Variants in SDK1 observed in about 807,000 individuals in gnomAD.
SDK1 encodes protein sidekick-1.
In SDK1, 157 loss-of-function variants were observed where a neutral mutation model predicts 245.5. The ratio of observed to expected loss-of-function variants is 0.64; its 90% CI spans 0.56 to 0.73. The LOEUF is 0.73. Among genes scored for constraint, SDK1 ranks in the 30% least tolerant of loss-of-function variants. The probability of loss-of-function intolerance (pLI) is 0.00; values close to 1 mark genes in which losing one functional copy is unlikely to be tolerated. For missense variants in SDK1, 3,583 were observed against 3,002.3 expected (o/e 1.19, Z -4.52); for synonymous variants, 1,647 against 1,278.5 (o/e 1.29, Z -6.15).
intron 1 of SDK1, among the ~76,000 whole-genome samples, chr7:3,574,106 T>C (rs960096341): frequency 2.0e-5 from 3 of 151,822 alleles, no homozygotes; most frequent in Non-Finnish European, 2.9e-5. Flanking sequence ...ACTAGACATA[T>C]ACCTGATTTT....
At chr7:3,635,856 C>A (rs1420154228) in intron 2 of SDK1, among the ~76,000 whole-genome samples, 2 of 152,142 alleles carry the variant, frequency 1.3e-5, no homozygotes, top group African/African-American at 4.8e-5. Context: ...CAGGCTCACA[C>A]CACCACACTT....
At chr7:4,184,431 C>T (rs921549877) in intron 35 of SDK1, among the ~76,000 whole-genome samples, 45 of 149,520 alleles carry the variant, frequency 3.0e-4, no homozygotes, top group Non-Finnish European at 5.7e-4. Flanking sequence ...TCATTGCTGC[C>T]ACTAAGGCAC....
chr7:3,336,164 TC>T (rs1364364415), intron 1 of SDK1, among the ~76,000 whole-genome samples: 1 of 152,184 alleles, frequency 6.6e-6, no homozygotes, highest in Non-Finnish European at 1.5e-5. Flanking sequence ...CTCACTCTGC[TC>T]CAGCTAAACC....
At chr7:3,643,987 T>C (rs2568525) in intron 4 of SDK1, among the ~76,000 whole-genome samples, 145,310 of 150,888 alleles carry the variant, frequency 0.96, 70,003 homozygotes, top group African/African-American at 0.99. Flanking sequence ...ACTGCAACCT[T>C]TCCCTCCCAG....
chr7:4,177,082 G>A (rs1782260917), intron 34 of SDK1, among the ~76,000 whole-genome samples: 1 of 152,366 alleles, frequency 6.6e-6, no homozygotes, highest in Admixed American at 6.5e-5. Context: ...GCATTCTGTA[G>A]GGGTGGGAGT....
In SDK1 at chr7:3,716,464, G is replaced by A. The variant is rs191539739; in HGVS notation, c.713+74359G>A. Reference sequence around the variant, plus strand: ...GGCAAAAATATCATTCAAGTATGAGGGGAGGCCACGTGTTATCACGTGTAA... The same window carrying A: ...GGCAAAAATATCATTCAAGTATGAGAGGAGGCCACGTGTTATCACGTGTAA... On this transcript the variant is annotated intron_variant, in intron 4 of 44. Transcript: ENST00000404826. Among the ~76,000 whole-genome samples the A allele has an allele frequency of 5.3e-5, 8 of 152,256 alleles. No individual in the cohort carries two copies. In the East Asian group the frequency reaches 1.5e-3, roughly 29 times the overall value.
chr7:4,180,371 CAGCGCCT>C (rs2128219614), intron 35 of SDK1, among the ~76,000 whole-genome samples: 1 of 149,572 alleles, frequency 6.7e-6, no homozygotes, highest in African/African-American at 2.5e-5. Context: ...GCTCTATGCC[CAGCGCCT>C]GGCTCCAGCT....
At chr7:4,072,160 T>A (rs1249276325) in intron 20 of SDK1, among the ~76,000 whole-genome samples, 1 of 152,212 alleles carries the variant, frequency 6.6e-6, no homozygotes, top group Non-Finnish European at 1.5e-5. Flanking sequence ...AGCAGCAGTC[T>A]GTTGTTTATG....
At chr7:3,838,188 G>A (rs944865789) in intron 5 of SDK1, among the ~76,000 whole-genome samples, 4 of 152,220 alleles carry the variant, frequency 2.6e-5, no homozygotes, top group African/African-American at 9.6e-5. Context: ...TTGGTACATA[G>A]CCTGCATGGC....
chr7:3,559,324 G>A (rs1779678527), intron 1 of SDK1, among the ~76,000 whole-genome samples: 1 of 152,092 alleles, frequency 6.6e-6, no homozygotes, highest in Non-Finnish European at 1.5e-5. Context: ...TTGTGAAATG[G>A]TAGTTGGAAG....
In SDK1 at chr7:4,127,731, C is replaced by T. The variant is rs189575747; in HGVS notation, c.3939+235C>T. Among the ~76,000 whole-genome samples the T allele has an allele frequency of 2.7e-3, 416 of 152,378 alleles. 2 individuals carry two copies. Among genetic ancestry groups the T allele is most frequent in the African/African-American group, 9.1e-3 (379 of 41,602 alleles). On this transcript the variant is annotated intron_variant, in intron 26 of 44. Transcript: ENST00000404826. ...CCAAAACAGGGCACCAGAAGAAAAG[C>T]ACAGCCGGAGTGGAACTGACCTCCG...
intron 5 of SDK1, among the ~76,000 whole-genome samples, chr7:3,935,523 A>G (rs1022778972): frequency 1.1e-4 from 17 of 152,226 alleles, no homozygotes; most frequent in Non-Finnish European, 1.9e-4. Context: ...AATTCCTACA[A>G]CTCAACAACA....
chr7:3,763,474 C>G (rs944411695), intron 4 of SDK1, among the ~76,000 whole-genome samples: 1 of 152,120 alleles, frequency 6.6e-6, no homozygotes, highest in African/African-American at 2.4e-5. Flanking sequence ...CTTCATGTCC[C>G]TCCATTCTTC....
At chr7:3,800,138 C>A (rs1779069423) in intron 4 of SDK1, among the ~76,000 whole-genome samples, 2 of 152,072 alleles carry the variant, frequency 1.3e-5, no homozygotes, top group South Asian at 4.1e-4. Flanking sequence ...CATTTCATAT[C>A]CTGGCATACT....
chr7:4,208,050 C>A, intron 36 of SDK1, 49 bp from the exon 37 acceptor site: 1 of 1,459,058 alleles, frequency 6.9e-7, no homozygotes, highest in Non-Finnish European at 9.4e-7. Flanking sequence ...CCCCCGCTTA[C>A]TGGAAGGCTT....
At chr7:4,153,280 A>G (rs1271478093) in intron 30 of SDK1, among the ~76,000 whole-genome samples, 1 of 151,712 alleles carries the variant, frequency 6.6e-6, no homozygotes, top group African/African-American at 2.4e-5. Flanking sequence ...TTTTTTAAAA[A>G]TATCATTATT....
intron 38 of SDK1, among the ~76,000 whole-genome samples, chr7:4,211,626 T>G (rs1784516678): frequency 6.6e-6 from 1 of 152,164 alleles, no homozygotes; most frequent in Admixed American, 6.5e-5. Flanking sequence ...TCTGTTTTTT[T>G]TGAGACGGAG....
At chr7:3,932,070 A>T (rs961204856) in intron 5 of SDK1, among the ~76,000 whole-genome samples, 4 of 152,188 alleles carry the variant, frequency 2.6e-5, no homozygotes, top group Non-Finnish European at 5.9e-5. Context: ...CCACGTTTTT[A>T]ATAGGCCCAC....
At chr7:4,085,922 G>T (rs1389544465) in intron 22 of SDK1, among the ~76,000 whole-genome samples, 1 of 152,148 alleles carries the variant, frequency 6.6e-6, no homozygotes, top group Non-Finnish European at 1.5e-5. Flanking sequence ...TCATTTACAC[G>T]ATCTCAAAGT....
Sources: allele counts gnomAD v4.1 joint callset (sites outside exome capture counted in the v4.1 genomes callset), GRCh38; gene constraint gnomAD v4.1.1; transcripts MANE v1.5; gene names NCBI Gene and HGNC (gene_info 2026-07-23, HGNC 2026-07-21).